Variants in STRBP observed in about 807,000 individuals in gnomAD.
STRBP encodes the protein spermatid perinuclear RNA-binding protein.
Under a neutral mutation model 80.1 loss-of-function variants are expected in STRBP, and 13 were observed. The ratio of observed to expected loss-of-function variants is 0.16; its 90% CI spans 0.11 to 0.26. STRBP has a LOEUF of 0.26. Among genes scored for constraint, STRBP ranks in the 10% least tolerant of loss-of-function variants. The probability of loss-of-function intolerance (pLI) is 1.00; values close to 1 mark genes in which losing one functional copy is unlikely to be tolerated. For missense variants in STRBP, 485 were observed against 815.2 expected, an observed-to-expected ratio of 0.59 and a Z score of 4.93; for synonymous variants, 284 against 291.2, an observed-to-expected ratio of 0.98 and a Z score of 0.25.
At chr9:123,250,514 A>T (rs1039987376) in intron 1 of STRBP, among the ~76,000 whole-genome samples, 2 of 148,996 alleles carry the variant, frequency 1.3e-5, no homozygotes, top group African/African-American at 2.5e-5. Context: ...GTCTATAGTT[A>T]AAAAAAAAAG....
At chr9:123,188,740 A>G (rs1472442626) in intron 2 of STRBP, among the ~76,000 whole-genome samples, 1 of 152,198 alleles carries the variant, frequency 6.6e-6, no homozygotes, top group Non-Finnish European at 1.5e-5. Context: ...CCTGAAATGC[A>G]ATAGAGAGAA....
chr9:123,134,034 AC>A (rs2036252591), intron 16 of STRBP, among the ~76,000 whole-genome samples: 1 of 152,216 alleles, frequency 6.6e-6, no homozygotes, highest in Non-Finnish European at 1.5e-5. Flanking sequence ...AGAAAGAACA[AC>A]GAGAGAACAG....
intron 1 of STRBP, among the ~76,000 whole-genome samples, chr9:123,264,228 T>C (rs893321459): frequency 6.6e-6 from 1 of 152,216 alleles, no homozygotes; most frequent in Admixed American, 6.5e-5. Context: ...GGCCTCTGTC[T>C]CTGGAAATTC....
At chr9:123,241,875 T>G (rs968378477) in intron 1 of STRBP, among the ~76,000 whole-genome samples, 2 of 152,294 alleles carry the variant, frequency 1.3e-5, no homozygotes, top group African/African-American at 4.8e-5. Context: ...ATAAAAATCA[T>G]ACTCCTTACC....
chr9:123,233,669 T>C (rs2132585652), intron 2 of STRBP, among the ~76,000 whole-genome samples: 1 of 152,342 alleles, frequency 6.6e-6, no homozygotes, highest in South Asian at 2.1e-4. Flanking sequence ...AGCTTTTTCA[T>C]AATAAAATGT....
intron 13 of STRBP, among the ~76,000 whole-genome samples, chr9:123,144,451 A>G: frequency 6.6e-6 from 1 of 152,144 alleles, no homozygotes; most frequent in East Asian, 1.9e-4. Context: ...TAAATAGAAT[A>G]CTAAAGACTA....
chr9:123,186,475 G>T (rs1167201713), intron 2 of STRBP, among the ~76,000 whole-genome samples: 3 of 151,944 alleles, frequency 2.0e-5, no homozygotes, highest in Non-Finnish European at 4.4e-5. Flanking sequence ...TAGCATGGGG[G>T]GTAACTACCC....
chr9:123,172,124 G>T (rs1482575465), intron 5 of STRBP, among the ~76,000 whole-genome samples: 1 of 152,112 alleles, frequency 6.6e-6, no homozygotes, highest in Non-Finnish European at 1.5e-5. Context: ...TGTTGCACTG[G>T]TTCTCAACCC....
Position 123,256,301 on chromosome 9 carries a change from C to T in STRBP, c.-302+12135G>A, listed in dbSNP as rs184532484. 2.4e-3 allele frequency among the ~76,000 whole-genome samples: 365 copies of T among 152,110 alleles called. 1 individual carries two copies. Among genetic ancestry groups the T allele is most frequent in the Admixed American group, 5.6e-3 (86 of 15,280 alleles). On this transcript the variant is annotated intron_variant, in intron 1 of 18. Transcript: ENST00000348403. ...CCAAAATGCTGAGATTATATATATA[C>T]CTACTTCCACTACCTATACCTATTT...
chr9:123,150,570 C>T (rs374958545), intron 11 of STRBP, among the ~76,000 whole-genome samples: 1 of 151,672 alleles, frequency 6.6e-6, no homozygotes, highest in Non-Finnish European at 1.5e-5. Context: ...ATAGCCAAGC[C>T]GTGTTTTCTT....
At chr9:123,234,784 AC>A (rs1430571719) in intron 2 of STRBP, among the ~76,000 whole-genome samples, 1 of 151,816 alleles carries the variant, frequency 6.6e-6, no homozygotes, top group Non-Finnish European at 1.5e-5. Flanking sequence ...AGATGGTAAA[AC>A]CCTACCTCTA....
rs541194217 is a variant in STRBP, at chr9:123,187,836, AC to A, written c.-164-3539del. Reference sequence around the variant, plus strand: ...ATTACCTTAGTGTGGTACATTTGTTACCACTGATAAACCAATGTTGATACAT... The same window carrying A: ...ATTACCTTAGTGTGGTACATTTGTTACACTGATAAACCAATGTTGATACAT... On this transcript the variant is annotated intron_variant, in intron 2 of 18. Transcript: ENST00000348403. Among the ~76,000 whole-genome samples the A allele has an allele frequency of 1.9e-3, 249 of 129,644 alleles. 9 individuals carry two copies. The East Asian group carries it at 0.059, about 31-fold the overall frequency. 85.1% of individuals were successfully genotyped at this position (129,644 alleles called of 152,430 possible). A position where few individuals can be genotyped will look rare whatever the true frequency, so the allele number is the denominator to read the frequency against.
rs1316661571 is a variant in STRBP at position 123,121,750 on chromosome 9, C to G, written c.*3847G>C. The G allele has an allele frequency of 1.3e-5, 2 of 151,922 alleles. No homozygotes were observed. The highest frequency in any genetic ancestry group is 6.6e-5 in the Admixed American group (1 of 15,252). The allele number at this position is 151,922 out of a possible 1,614,324, so 9.4% of individuals were successfully genotyped here. A position where few individuals can be genotyped will look rare whatever the true frequency, so the allele number is the denominator to read the frequency against. ...TCCTTGAGAAATTGGCACTTTGATC[C>G]TCAGCTTGTGTAACAGCTTACACAT... On this transcript the variant is annotated 3_prime_UTR_variant, in exon 19 of 19. Coordinates refer to ENST00000348403, the MANE Select transcript of STRBP (RefSeq NM_018387.5).
intron 4 of STRBP, among the ~76,000 whole-genome samples, chr9:123,175,762 C>T (rs1030027645): frequency 6.6e-6 from 1 of 152,134 alleles, no homozygotes; most frequent in Admixed American, 6.6e-5. Flanking sequence ...TTACCTCTCA[C>T]GTAGACCACC....
At chr9:123,166,294 A>G (rs1308665910) in intron 6 of STRBP, among the ~76,000 whole-genome samples, 3 of 152,202 alleles carry the variant, frequency 2.0e-5, no homozygotes, top group Admixed American at 1.3e-4. Context: ...GAGTAGGTGC[A>G]TTCAATAAGT....
intron 1 of STRBP, among the ~76,000 whole-genome samples, chr9:123,251,295 GC>G (rs1464731937): frequency 3.3e-5 from 5 of 152,076 alleles, no homozygotes; most frequent in African/African-American, 1.2e-4. Flanking sequence ...CACTTACTGA[GC>G]CCATCGCAAA....
chr9:123,112,092 G>T, intron 3 of STRBP: 1 of 169,692 alleles, frequency 5.9e-6, no homozygotes, highest in Non-Finnish European at 1.4e-5. Flanking sequence ...CCCCACACCT[G>T]GCCCGACTGT....
At chr9:123,139,263 G>C (rs1486411109) in intron 14 of STRBP, among the ~76,000 whole-genome samples, 2 of 152,086 alleles carry the variant, frequency 1.3e-5, no homozygotes, top group Non-Finnish European at 2.9e-5. Context: ...AGTTAAATTA[G>C]GGTATATTCA....
Position 123,115,185 on chromosome 9 carries a change from C to T in STRBP, c.*84+744G>A, listed in dbSNP as rs2035625696. ...GTCCCACAGCAAGGCCCTTCACACT[C>T]CCCAAGTGGGCACACTCTCTCTGTG... On this transcript the variant is annotated intron_variant and NMD_transcript_variant, in intron 3 of 3. Coordinates refer to the STRBP transcript ENST00000471564. This position sits in a 1 kb window ranked among gnomAD's most constrained non-coding sequence, Gnocchi z 5.0. 1 of 470,870 alleles carries T rather than the reference C, an allele frequency of 2.1e-6. No individual in the cohort carries two copies. The highest frequency in any genetic ancestry group is 2.3e-5 in the Admixed American group (1 of 42,564). 29.2% of individuals were successfully genotyped at this position (470,870 alleles called of 1,614,324 possible). A position where few individuals can be genotyped will look rare whatever the true frequency, so the allele number is the denominator to read the frequency against.
Sources: allele counts gnomAD v4.1 joint callset (sites outside exome capture counted in the v4.1 genomes callset), GRCh38; gene constraint gnomAD v4.1.1; non-coding constraint Gnocchi (gnomAD v3.1); transcripts MANE v1.5; gene names NCBI Gene and HGNC (gene_info 2026-07-23, HGNC 2026-07-21).